The following UPF3A variants were observed in gnomAD, a reference collection of about 807,000 sequenced individuals.
UPF3A encodes the protein UPF3A regulator of nonsense mediated mRNA decay, also known as regulator of nonsense transcripts 3A.
Under a neutral mutation model 53.5 loss-of-function variants are expected in UPF3A, and 42 were observed. That is an observed-to-expected ratio of 0.78 (90% CI 0.61 to 1.01). The LOEUF is 1.01. Ranked by LOEUF, UPF3A falls within the 50% of genes least tolerant of loss-of-function variation. The pLI is 0.00. For synonymous variants in UPF3A, 237 were observed against 225.3 expected (o/e 1.05, Z -0.47); for missense variants, 575 against 598.0 (o/e 0.96, Z 0.40).
At chr13:114,282,192 C>G (rs373778705) in intron 2 of UPF3A, 65 bp downstream of exon 2, 23 of 1,319,304 alleles carry the variant, frequency 1.7e-5, no homozygotes, top group Admixed American at 2.3e-5. Flanking sequence ...GTGGCCGTCT[C>G]GTTGCCTTAC....
intron 5 of UPF3A, among the ~76,000 whole-genome samples, chr13:114,289,268 G>A (rs2085043810): frequency 6.6e-6 from 1 of 152,162 alleles, no homozygotes; most frequent in African/African-American, 2.4e-5. Context: ...GCTCACACCT[G>A]TAATCCCAGC....
chr13:114,295,248 A>C (rs920727850), intron 7 of UPF3A, among the ~76,000 whole-genome samples: 5 of 152,068 alleles, frequency 3.3e-5, no homozygotes, highest in Non-Finnish European at 5.9e-5. Context: ...GGGAGGGAGC[A>C]CAGCTGCCCA....
chr13:114,292,535 C>T (rs531936536), intron 7 of UPF3A, among the ~76,000 whole-genome samples: 4 of 146,554 alleles, frequency 2.7e-5, no homozygotes, highest in East Asian at 2.1e-4. Flanking sequence ...AAGGCGTACA[C>T]GTGCAGGTGT....
At chr13:114,304,728 G>A in intron 9 of UPF3A, 61 bp from the exon 10 acceptor site, 2 of 1,573,722 alleles carry the variant, frequency 1.3e-6, no homozygotes, top group Non-Finnish European at 1.7e-6. Flanking sequence ...AATATAGGGA[G>A]ATATTGACCC....
intron 7 of UPF3A, among the ~76,000 whole-genome samples, chr13:114,292,637 G>A (rs144677961): frequency 1.1e-3 from 148 of 136,906 alleles, no homozygotes; most frequent in African/African-American, 4.1e-3. Flanking sequence ...GGTGTGTTAC[G>A]TGTTCATTTT....
At chr13:114,287,962 A>G (rs1303188383) in intron 5 of UPF3A, among the ~76,000 whole-genome samples, 1 of 152,090 alleles carries the variant, frequency 6.6e-6, no homozygotes, top group Admixed American at 6.6e-5. Context: ...ACCCGCCATC[A>G]TGCCCAGCTA....
intron 8 of UPF3A, among the ~76,000 whole-genome samples, chr13:114,301,388 A>G (rs146222120): frequency 0.028 from 4,241 of 151,828 alleles, 206 homozygotes; most frequent in African/African-American, 0.098. Context: ...GTGTGAACCC[A>G]GGAGGCGGAG....
chr13:114,284,563 A>G (rs1489570679), intron 3 of UPF3A, among the ~76,000 whole-genome samples: 3 of 151,038 alleles, frequency 2.0e-5, no homozygotes, highest in Non-Finnish European at 4.4e-5. Flanking sequence ...GCCAGGCATC[A>G]TGAGGCATGC....
intron 7 of UPF3A, 29 bp downstream of exon 7, chr13:114,291,821 CA>C: frequency 6.4e-7 from 1 of 1,561,142 alleles, no homozygotes; most frequent in Non-Finnish European, 8.6e-7. Flanking sequence ...TTCCTTTTTC[CA>C]AAAATAGCTC....
At chr13:114,303,031 C>T (rs1325862604) in intron 9 of UPF3A, among the ~76,000 whole-genome samples, 3 of 151,924 alleles carry the variant, frequency 2.0e-5, no homozygotes, top group East Asian at 3.9e-4. Flanking sequence ...ACCTGGGAGG[C>T]GGAGGTTGCA....
chr13:114,281,907 G>GGGGAGGGAA (rs1566716502), intron 1 of UPF3A, 61 bp downstream of exon 1: 5 of 1,035,254 alleles, frequency 4.8e-6, no homozygotes, highest in Non-Finnish European at 5.5e-6. Flanking sequence ...AGTGGAGGGA[G>GGGGAGGGAA]GGGAGGGAGG....
chr13:114,302,113 T>G, intron 9 of UPF3A, 88 bp downstream of exon 9: 1 of 1,321,250 alleles, frequency 7.6e-7, no homozygotes, highest in East Asian at 2.7e-5. Flanking sequence ...CTTGGCCTTG[T>G]GTCTTGGGGA....
intron 2 of UPF3A, chr13:114,282,390 C>G: frequency 8.2e-7 from 1 of 1,219,602 alleles, no homozygotes; most frequent in Non-Finnish European, 1.0e-6. Context: ...TTTGAAAGGA[C>G]CAGCGTTGCC....
intron 8 of UPF3A, among the ~76,000 whole-genome samples, 198 bp from the exon 9 acceptor site, chr13:114,301,533 A>G (rs1051321436): frequency 1.3e-5 from 2 of 151,880 alleles, no homozygotes; most frequent in African/African-American, 4.8e-5. Flanking sequence ...AATGACAGAT[A>G]CTATTACTAT....
At chr13:114,284,373 G>C (rs949857194) in intron 3 of UPF3A, among the ~76,000 whole-genome samples, 2 of 138,108 alleles carry the variant, frequency 1.4e-5, no homozygotes, top group Non-Finnish European at 3.1e-5. Context: ...GTGTATGTAC[G>C]TGTATGTATA....
Position 114,281,790 on chromosome 13 carries a change from G to A in UPF3A, c.151G>A (p.Gly51Ser), listed in dbSNP as rs757152967. 1.6e-5 allele frequency: 25 copies of A among 1,556,600 alleles called. No individual in the cohort carries two copies. The highest frequency in any genetic ancestry group is 2.0e-5 in the Non-Finnish European group (23 of 1,151,294). The change falls in exon 1 of 10, where the codon GGT becomes AGT. Residue 51 changes from glycine to serine, a missense_variant. Around this residue, in one of 2 missense-constraint regions of UPF3A, gnomAD observed 252 missense variants for 182.7 expected, o/e 1.38. Transcript: ENST00000375299. Reference sequence around the variant, plus strand: ...TGAGACGCCGCCAACTTCGTCCTCCGGTTGCGGGGGCGGTGCGGGCAAACC... The same window carrying A: ...TGAGACGCCGCCAACTTCGTCCTCCAGTTGCGGGGGCGGTGCGGGCAAACC... ...EAETPPTSSS[G>S]CGGGAGKPRE...
At chr13:114,292,219 G>A (rs1316291247) in intron 7 of UPF3A, among the ~76,000 whole-genome samples, 1 of 148,522 alleles carries the variant, frequency 6.7e-6, no homozygotes, top group Non-Finnish European at 1.5e-5. Flanking sequence ...GTTCATTTTC[G>A]ACTCAAGGCG....
intron 7 of UPF3A, among the ~76,000 whole-genome samples, chr13:114,292,088 C>G (rs1293894688): frequency 6.7e-6 from 1 of 148,480 alleles, no homozygotes; most frequent in East Asian, 2.0e-4. Flanking sequence ...GCTGCTGACG[C>G]TCTTTTTTTT....
intron 2 of UPF3A, 150 bp from the exon 3 acceptor site, chr13:114,282,687 G>C: frequency 6.8e-7 from 1 of 1,467,892 alleles, no homozygotes; most frequent in Non-Finnish European, 8.9e-7. Context: ...TTTTGCTAAA[G>C]AATATCCAAG....
Sources: allele counts gnomAD v4.1 joint callset (sites outside exome capture counted in the v4.1 genomes callset), GRCh38; gene constraint gnomAD v4.1.1; regional missense constraint gnomAD v4.1.1; transcripts MANE v1.5; gene names NCBI Gene and HGNC (gene_info 2026-07-23, HGNC 2026-07-21).